The following ONECUT1 variants were observed in gnomAD, a reference collection of about 807,000 sequenced individuals.
ONECUT1 encodes the protein one cut homeobox 1, also known as hepatocyte nuclear factor 6.
A neutral mutation model predicts 25.6 loss-of-function variants in ONECUT1; 12 were observed. That is an observed-to-expected ratio of 0.47 (90% CI 0.30 to 0.76). The LOEUF (loss-of-function observed/expected upper bound fraction) is 0.76. Among genes scored for constraint, ONECUT1 ranks in the 30% least tolerant of loss-of-function variants. ONECUT1 has a pLI of 0.07. For synonymous variants in ONECUT1, 285 were observed against 270.2 expected (o/e 1.05, Z -0.54); for missense variants, 620 against 651.2 (o/e 0.95, Z 0.52).
chr15:52,780,242 G>C (rs1327403587), intron 1 of ONECUT1, among the ~76,000 whole-genome samples: 1 of 152,184 alleles, frequency 6.6e-6, no homozygotes, highest in African/African-American at 2.4e-5. Flanking sequence ...GGCTTGGAGG[G>C]AAAGAACACC....
chr15:52,765,106 A>C (rs2083726692), intron 1 of ONECUT1, among the ~76,000 whole-genome samples: 1 of 152,228 alleles, frequency 6.6e-6, no homozygotes, highest in Non-Finnish European at 1.5e-5. Context: ...AATATCAAAA[A>C]GCATGTGGGC....
At chr15:52,781,467 G>C (rs2083840908) in intron 1 of ONECUT1, among the ~76,000 whole-genome samples, 1 of 152,180 alleles carries the variant, frequency 6.6e-6, no homozygotes, top group African/African-American at 2.4e-5. Context: ...TTTTGAATCA[G>C]TTATTTCCAC....
chr15:52,777,357 C>T (rs924910747), intron 1 of ONECUT1, among the ~76,000 whole-genome samples: 1 of 151,854 alleles, frequency 6.6e-6, no homozygotes, highest in Non-Finnish European at 1.5e-5. Flanking sequence ...CATATTCTCC[C>T]CCCTTCTCTC....
chr15:52,776,635 G>T (rs935208671), intron 1 of ONECUT1, among the ~76,000 whole-genome samples: 2 of 152,102 alleles, frequency 1.3e-5, no homozygotes, highest in Non-Finnish European at 2.9e-5. Context: ...TCTCCTTTCA[G>T]TCTCCTTTCC....
At chr15:52,758,542 A>G in intron 1 of ONECUT1, among the ~76,000 whole-genome samples, 1 of 152,076 alleles carries the variant, frequency 6.6e-6, no homozygotes, top group East Asian at 1.9e-4. Context: ...CTCTTCTTCG[A>G]CATTGAGACT....
chr15:52,777,877 T>C (rs186580185), intron 1 of ONECUT1, among the ~76,000 whole-genome samples: 1 of 152,314 alleles, frequency 6.6e-6, no homozygotes, highest in East Asian at 1.9e-4. Context: ...AAATTAACTC[T>C]TTTTTCCATA....
At chr15:52,762,061 A>C (rs970507842) in intron 1 of ONECUT1, among the ~76,000 whole-genome samples, 4 of 152,180 alleles carry the variant, frequency 2.6e-5, no homozygotes, top group African/African-American at 9.7e-5. Context: ...AATTACACAG[A>C]ACACTCACTC....
intron 1 of ONECUT1, among the ~76,000 whole-genome samples, chr15:52,783,746 C>T (rs2141462932): frequency 6.6e-6 from 1 of 152,346 alleles, no homozygotes; most frequent in East Asian, 1.9e-4. Context: ...TCTACGCTGA[C>T]CCCGCTTTTC....
chr15:52,781,947 T>C (rs559973568), intron 1 of ONECUT1, among the ~76,000 whole-genome samples: 2 of 152,248 alleles, frequency 1.3e-5, no homozygotes, highest in Non-Finnish European at 2.9e-5. Flanking sequence ...TCAGTTACTA[T>C]GACAAATGAG....
Position 52,784,351 on chromosome 15 carries a change from C to T in ONECUT1, c.1105+4429G>A, listed in dbSNP as rs78563996. Reference sequence around the variant, plus strand: ...GGCTGGTCGCCCCAGCTACCGGGATCCCTCTCCGGATGCTTCCAGGGCGAT... The same window carrying T: ...GGCTGGTCGCCCCAGCTACCGGGATTCCTCTCCGGATGCTTCCAGGGCGAT... On this transcript the variant is annotated intron_variant, in intron 1 of 1. Transcript: ENST00000305901. The surrounding 1 kb of genome is among the most constrained non-coding windows in gnomAD (Gnocchi z 5.0). 0.035 allele frequency among the ~76,000 whole-genome samples: 5,296 copies of T among 152,304 alleles called. 117 individuals carry two copies. The highest frequency in any genetic ancestry group is 0.061 in the Middle Eastern group (18 of 294).
intron 1 of ONECUT1, among the ~76,000 whole-genome samples, chr15:52,779,507 A>T (rs1001350039): frequency 1.3e-5 from 2 of 152,214 alleles, no homozygotes; most frequent in Admixed American, 1.3e-4. Context: ...CCAAAATTAT[A>T]GTTTCAATAT....
In ONECUT1 at chr15:52,777,736, AC is replaced by A. The variant is rs796901471; in HGVS notation, c.1105+11043del. Among the ~76,000 whole-genome samples the A allele has an allele frequency of 2.4e-3, 278 of 117,084 alleles. 11 individuals carry two copies. In the South Asian group the frequency reaches 0.027, roughly 11 times the overall value. 76.8% of individuals were successfully genotyped at this position (117,084 alleles called of 152,430 possible). A position where few individuals can be genotyped will look rare whatever the true frequency, so the allele number is the denominator to read the frequency against. On this transcript the variant is annotated intron_variant, in intron 1 of 1. Transcript: ENST00000305901. ...CACACACACACACACACACACACAC[AC>A]AAAAAAACATGTAAAGTTATTTGTT...
At chr15:52,772,069 T>A (rs1439425791) in intron 1 of ONECUT1, among the ~76,000 whole-genome samples, 1 of 152,104 alleles carries the variant, frequency 6.6e-6, no homozygotes, top group East Asian at 1.9e-4. Context: ...CCAGCTGCAT[T>A]GATTGTCATA....
At chr15:52,769,400 G>T (rs1171743260) in intron 1 of ONECUT1, among the ~76,000 whole-genome samples, 1 of 152,224 alleles carries the variant, frequency 6.6e-6, no homozygotes, top group East Asian at 1.9e-4. Flanking sequence ...TGTGTGCATA[G>T]AATGAAGTTC....
chr15:52,767,529 T>C (rs1479685481), intron 1 of ONECUT1, among the ~76,000 whole-genome samples: 1 of 152,202 alleles, frequency 6.6e-6, no homozygotes, highest in Non-Finnish European at 1.5e-5. Flanking sequence ...TCAGTTTTTA[T>C]ACTCACAGGA....
intron 1 of ONECUT1, among the ~76,000 whole-genome samples, chr15:52,779,055 G>A (rs1463440647): frequency 1.4e-5 from 2 of 147,856 alleles, no homozygotes; most frequent in African/African-American, 2.5e-5. Flanking sequence ...AATAATGACT[G>A]TAAATATTCA....
chr15:52,770,686 A>G (rs1490725101), intron 1 of ONECUT1, among the ~76,000 whole-genome samples: 1 of 152,222 alleles, frequency 6.6e-6, no homozygotes, highest in African/African-American at 2.4e-5. Flanking sequence ...TTGTTTTTTA[A>G]TTAATTTTTT....
chr15:52,782,635 T>C (rs1490693910), intron 1 of ONECUT1, among the ~76,000 whole-genome samples: 2 of 152,184 alleles, frequency 1.3e-5, no homozygotes, highest in African/African-American at 4.8e-5. Flanking sequence ...TCCAGCATTA[T>C]AAGAAATGCA....
rs762828966 is a variant in ONECUT1, at chr15:52,789,075, C to T, written c.810G>A (p.Glu270=). Reference sequence around the variant, plus strand: ...GCGCGCCGGTCACCGAAGGGTTGGGCTCCCGGGCTGTGCCCAGGAGTTGCC... The same window carrying T: ...GCGCGCCGGTCACCGAAGGGTTGGGTTCCCGGGCTGTGCCCAGGAGTTGCC... ...GHGQLLGTAR[E]PNPSVTGAQV... is the part of the protein sequence containing the mutation. The change falls in exon 1 of 2, where the codon GAG becomes GAA. Residue 270 remains glutamate, a synonymous_variant. Coordinates refer to ENST00000305901, the MANE Select transcript of ONECUT1 (RefSeq NM_004498.4). The surrounding 1 kb of genome is among the most constrained non-coding windows in gnomAD (Gnocchi z 4.1). 7.5e-6 allele frequency: 12 copies of T among 1,602,194 alleles called. 1 individual carries two copies. In the South Asian group the frequency reaches 1.3e-4, roughly 18 times the overall value.
Sources: gnomAD v4.1 joint callset for allele counts (sites outside exome capture counted in the v4.1 genomes callset) on GRCh38, gnomAD v4.1.1 for gene constraint, Gnocchi (gnomAD v3.1) non-coding constraint, MANE v1.5 for transcripts, NCBI Gene and HGNC (gene_info 2026-07-23, HGNC 2026-07-21) for gene names.